ST7: variants seen among roughly 807,000 people sequenced by gnomAD.
ST7 encodes the protein suppression of tumorigenicity 7.
ST7 carries 28 observed loss-of-function variants against 78.7 expected under a neutral mutation model. That is an observed-to-expected ratio of 0.36 (90% CI 0.26 to 0.49). ST7 has a LOEUF of 0.49. Among genes scored for constraint, ST7 ranks in the 20% least tolerant of loss-of-function variants. The pLI, the probability that ST7 is intolerant of heterozygous loss-of-function variation, is 0.99. For missense variants in ST7, 418 were observed against 696.0 expected (o/e 0.60, Z 4.49); for synonymous variants, 247 against 249.6 (o/e 0.99, Z 0.10).
intron 1 of ST7, among the ~76,000 whole-genome samples, chr7:117,021,817 T>A (rs1442172357): frequency 6.6e-6 from 1 of 152,218 alleles, no homozygotes; most frequent in Non-Finnish European, 1.5e-5. Context: ...TGTGACAGTA[T>A]TATTTCCTAA....
In ST7 at chr7:117,190,239, C is replaced by T. The variant is rs1056423749; in HGVS notation, c.1152-595C>T. ...TCCCCTGTGGTGTCTGCCTGCCAAG[C>T]ACAGCTCTGGAGTTAGCCCTGGGTG... is the stretch of plus-strand genomic sequence containing the variant. On this transcript the variant is annotated intron_variant, in intron 11 of 15. Transcript: ENST00000323984. The surrounding 1 kb of genome is among the most constrained non-coding windows in gnomAD (Gnocchi z 5.2). 5 of 167,270 alleles carry T rather than the reference C, an allele frequency of 3.0e-5. No individual in the cohort carries two copies. Among genetic ancestry groups the T allele is most frequent in the Non-Finnish European group, 7.3e-5 (5 of 68,266 alleles). 10.4% of individuals were successfully genotyped at this position (167,270 alleles called of 1,614,324 possible).
At chr7:116,987,612 C>A (rs934506587) in intron 1 of ST7, among the ~76,000 whole-genome samples, 1 of 152,236 alleles carries the variant, frequency 6.6e-6, no homozygotes, top group Non-Finnish European at 1.5e-5. Context: ...TAATTTCTGA[C>A]CTTTTTATTG....
chr7:117,185,571 C>T (rs556954550), intron 10 of ST7, among the ~76,000 whole-genome samples: 12 of 152,296 alleles, frequency 7.9e-5, no homozygotes, highest in East Asian at 7.7e-4. Flanking sequence ...GAATACTGAA[C>T]CCTGTATACA....
At chr7:117,147,041 C>A (rs1056563249) in intron 9 of ST7, among the ~76,000 whole-genome samples, 1 of 152,206 alleles carries the variant, frequency 6.6e-6, no homozygotes. Flanking sequence ...TTGCAGAATA[C>A]AGAATGTAGT....
chr7:117,053,923 T>TG (rs1227973138), intron 1 of ST7, among the ~76,000 whole-genome samples: 2 of 151,936 alleles, frequency 1.3e-5, no homozygotes, highest in Non-Finnish European at 2.9e-5. Flanking sequence ...TTGCAACCTC[T>TG]GCCTCATGGG....
At chr7:117,143,897 T>A (rs1283466911) in intron 9 of ST7, among the ~76,000 whole-genome samples, 1 of 152,186 alleles carries the variant, frequency 6.6e-6, no homozygotes, top group African/African-American at 2.4e-5. Context: ...TTTTTTCAAT[T>A]AAAAATATAT....
intron 15 of ST7, among the ~76,000 whole-genome samples, chr7:117,225,139 C>A (rs1237802859): frequency 6.6e-6 from 1 of 152,140 alleles, no homozygotes; most frequent in Non-Finnish European, 1.5e-5. Flanking sequence ...TAGAATACAC[C>A]TGGGTGTTCT....
intron 1 of ST7, among the ~76,000 whole-genome samples, chr7:116,961,455 A>G (rs1188280593): frequency 6.6e-6 from 1 of 151,842 alleles, no homozygotes; most frequent in African/African-American, 2.4e-5. Flanking sequence ...TGAGCATGGG[A>G]TGTTTTTCCA....
chr7:117,059,216 G>C (rs1798222149), intron 1 of ST7, among the ~76,000 whole-genome samples: 1 of 152,102 alleles, frequency 6.6e-6, no homozygotes, highest in Non-Finnish European at 1.5e-5. Flanking sequence ...TAACACAAAG[G>C]ATAAATGCTG....
chr7:116,973,249 C>G (rs1793525978), intron 1 of ST7, among the ~76,000 whole-genome samples: 1 of 151,902 alleles, frequency 6.6e-6, no homozygotes, highest in South Asian at 2.1e-4. Flanking sequence ...TCCTCTGTCT[C>G]TCTCTCTCTT....
At chr7:117,188,159 AT>A (rs1809436325) in intron 10 of ST7, among the ~76,000 whole-genome samples, 1 of 152,208 alleles carries the variant, frequency 6.6e-6, no homozygotes, top group African/African-American at 2.4e-5. Context: ...TGGAATTGGC[AT>A]TAAATACTCT....
chr7:116,967,115 ACT>A (rs1462022148), intron 1 of ST7, among the ~76,000 whole-genome samples: 9 of 122,416 alleles, frequency 7.4e-5, no homozygotes, highest in African/African-American at 2.4e-4. Flanking sequence ...AGTTTCTATC[ACT>A]CTTTTTTTTT....
rs1349229262 is a variant in ST7, at chr7:117,134,128, A to G, written c.646A>G (p.Arg216Gly). ...TATTTTTTTCTTCTTGGTCAGAATT[A>G]GGTCCAGAGTTGAAGTTCCCCTAAT... The part of the protein sequence containing the change: ...AHEALEINEI[R>G]SRVEVPLIAS... Residue 216 changes from arginine to glycine, a missense_variant, in exon 7 of 16, where the codon AGG (arginine) becomes GGG (glycine). This residue lies in a region of ST7 where 288 missense variants were observed against 537.1 expected (regional missense o/e 0.54). Transcript: ENST00000323984. 1 of 1,611,718 alleles carries G rather than the reference A, an allele frequency of 6.2e-7. No individual in the cohort carries two copies. The highest frequency in any genetic ancestry group is 2.2e-5 in the East Asian group (1 of 44,806).
At chr7:116,967,733 C>T (rs1472012147) in intron 1 of ST7, among the ~76,000 whole-genome samples, 1 of 152,186 alleles carries the variant, frequency 6.6e-6, no homozygotes, top group African/African-American at 2.4e-5. Context: ...TAACCAGTGC[C>T]AGCACTTGCT....
chr7:117,086,936 A>C (rs1477267413), intron 1 of ST7, among the ~76,000 whole-genome samples: 1 of 152,228 alleles, frequency 6.6e-6, no homozygotes, highest in Non-Finnish European at 1.5e-5. Context: ...GAGCAGCTGA[A>C]TACTAAAATA....
chr7:116,953,781 G>A, intron 1 of ST7, 90 bp downstream of exon 1: 1 of 934,652 alleles, frequency 1.1e-6, no homozygotes, highest in African/African-American at 1.8e-5. Context: ...CCAGGCGCGC[G>A]CTCGGGGACG....
At position 117,202,047 on chromosome 7, in the gene ST7, G is replaced by A. The variant is rs1810915131; in HGVS notation, c.1255-7740G>A. On this transcript the variant is annotated intron_variant, in intron 12 of 15. Coordinates refer to ENST00000323984, the MANE Select transcript of ST7 (RefSeq NM_001369598.1). ...GGGATCTTGGCTCACTGCAAGCTCC[G>A]CCTCCCGGGTTCACGCCATTCTCCT... Among the ~76,000 whole-genome samples the A allele has an allele frequency of 8.9e-5, 2 of 22,448 alleles. 1 individual carries two copies. The highest frequency in any genetic ancestry group is 2.1e-4 in the Non-Finnish European group (2 of 9,600). The allele number at this position is 22,448 out of a possible 152,430, so 14.7% of individuals were successfully genotyped here.
intron 1 of ST7, among the ~76,000 whole-genome samples, chr7:116,983,481 C>G (rs1794052945): frequency 6.6e-6 from 1 of 152,140 alleles, no homozygotes; most frequent in Non-Finnish European, 1.5e-5. Flanking sequence ...CCTCAGAGGC[C>G]TTGCTCAGTT....
chr7:117,021,869 A>G (rs973016334), intron 1 of ST7, among the ~76,000 whole-genome samples: 5 of 152,220 alleles, frequency 3.3e-5, no homozygotes, highest in African/African-American at 1.2e-4. Context: ...TGGTACATTT[A>G]GAATTGGTTA....
Sources: gnomAD v4.1 joint callset for allele counts (sites outside exome capture counted in the v4.1 genomes callset) on GRCh38, gnomAD v4.1.1 for gene constraint, gnomAD v4.1.1 regional missense constraint, Gnocchi (gnomAD v3.1) non-coding constraint, MANE v1.5 for transcripts, NCBI Gene and HGNC (gene_info 2026-07-23, HGNC 2026-07-21) for gene names.